Variants in CPN1 observed in about 807,000 individuals in gnomAD.
CPN1 encodes the protein carboxypeptidase N subunit 1.
CPN1 carries 37 observed loss-of-function variants against 46.4 expected under a neutral mutation model. That is an observed-to-expected ratio of 0.80 (90% CI 0.61 to 1.05). CPN1 has a LOEUF of 1.05. Ranked by LOEUF, CPN1 falls within the 50% of genes least tolerant of loss-of-function variation. CPN1 has a pLI of 0.00. For synonymous variants in CPN1, 224 were observed against 235.4 expected, an observed-to-expected ratio of 0.95 and a Z score of 0.44; for missense variants, 563 against 602.6, an observed-to-expected ratio of 0.93 and a Z score of 0.69.
intron 5 of CPN1, among the ~76,000 whole-genome samples, chr10:100,059,592 CAAA>C (rs71013408): frequency 2.6e-5 from 3 of 115,090 alleles, no homozygotes. Flanking sequence ...TGGCTACTAT[CAAA>C]AAAAAAAAAA....
intron 7 of CPN1, among the ~76,000 whole-genome samples, chr10:100,049,595 C>T (rs1040457270): frequency 6.6e-6 from 1 of 151,834 alleles, no homozygotes; most frequent in Non-Finnish European, 1.5e-5. Context: ...TAAACAGAGT[C>T]CGGTTCTCAC....
chr10:100,057,355 T>C (rs1012093503), intron 5 of CPN1, among the ~76,000 whole-genome samples: 6 of 152,198 alleles, frequency 3.9e-5, no homozygotes, highest in Non-Finnish European at 8.8e-5. Context: ...GGGGCACACA[T>C]AGTGACGTTT....
chr10:100,065,879 A>G (rs1017846277), intron 3 of CPN1, among the ~76,000 whole-genome samples: 1 of 151,866 alleles, frequency 6.6e-6, no homozygotes, highest in Admixed American at 6.6e-5. Context: ...TTTTTGCTCA[A>G]TTTTGCTGTG....
intron 1 of CPN1, among the ~76,000 whole-genome samples, chr10:100,077,758 T>G (rs2041523628): frequency 1.3e-5 from 2 of 152,226 alleles, no homozygotes; most frequent in Non-Finnish European, 2.9e-5. Context: ...TATGTCTTTC[T>G]TACTTTTCTT....
intron 8 of CPN1, among the ~76,000 whole-genome samples, chr10:100,044,359 C>T (rs886483580): frequency 3.3e-5 from 5 of 151,884 alleles, no homozygotes; most frequent in Non-Finnish European, 5.9e-5. Context: ...CACTGGGCCC[C>T]GGAAGATATT....
chr10:100,047,692 A>G (rs2041323269), intron 8 of CPN1, among the ~76,000 whole-genome samples: 1 of 152,194 alleles, frequency 6.6e-6, no homozygotes. Context: ...CAAAACAAAA[A>G]AAGAAAAAAC....
intron 1 of CPN1, 110 bp downstream of exon 1, chr10:100,081,293 T>C: frequency 1.1e-6 from 1 of 903,478 alleles, no homozygotes. Flanking sequence ...AAAGAGATAA[T>C]ACCTTGTAGG....
intron 1 of CPN1, among the ~76,000 whole-genome samples, chr10:100,080,018 G>A (rs2041535347): frequency 6.6e-6 from 1 of 151,940 alleles, no homozygotes; most frequent in African/African-American, 2.4e-5. Context: ...CCCGGGAGGT[G>A]GAGGTTTCAG....
At chr10:100,045,572 G>A (rs2041303085) in intron 8 of CPN1, among the ~76,000 whole-genome samples, 1 of 152,210 alleles carries the variant, frequency 6.6e-6, no homozygotes, top group Non-Finnish European at 1.5e-5. Flanking sequence ...ACAAACACAG[G>A]TTGTACACTT....
intron 1 of CPN1, among the ~76,000 whole-genome samples, chr10:100,077,227 CTTT>C (rs57632037): frequency 2.6e-5 from 3 of 113,736 alleles, no homozygotes; most frequent in Non-Finnish European, 1.7e-5. Context: ...CCGGTTTTAC[CTTT>C]TTTTTTTTTT....
At chr10:100,067,516 GA>G in intron 3 of CPN1, among the ~76,000 whole-genome samples, 1 of 152,128 alleles carries the variant, frequency 6.6e-6, no homozygotes, top group East Asian at 1.9e-4. Context: ...TTTCAAGGGA[GA>G]AAAAAACCCC....
At chr10:100,043,122 G>A (rs2041288175) in intron 8 of CPN1, among the ~76,000 whole-genome samples, 1 of 145,436 alleles carries the variant, frequency 6.9e-6, no homozygotes, top group Non-Finnish European at 1.5e-5. Context: ...AAAAAATTAG[G>A]TTGGGCATGG....
chr10:100,075,993 C>A lies in CPN1; in HGVS notation c.338G>T (p.Arg113Leu). ...CGTGTCCTGGATGAGCTGGACGATG[C>A]GCTGGTTCCTGTTCCGGAACTCCTC... ...LCEEFRNRNQRIVQLIQDTRI... is the reference protein window; with the variant it reads ...LCEEFRNRNQLIVQLIQDTRI... The change falls in exon 2 of 9, where the codon CGC becomes CTC. Residue 113 changes from arginine to leucine, a missense_variant. Arg to Leu is a moderately radical substitution (Grantham distance 102, BLOSUM62 -2). Transcript: ENST00000370418. The A allele has an allele frequency of 6.2e-7, 1 of 1,614,136 alleles. No homozygotes were observed. Among genetic ancestry groups the A allele is most frequent in the Non-Finnish European group, 8.5e-7 (1 of 1,180,022 alleles).
intron 7 of CPN1, among the ~76,000 whole-genome samples, chr10:100,054,010 T>A (rs1437722932): frequency 1.3e-5 from 2 of 152,222 alleles, no homozygotes; most frequent in Non-Finnish European, 2.9e-5. Context: ...ATTAACAGGC[T>A]TAAGCCCAGA....
rs2041332659 is a variant in CPN1 at position 100,048,857 on chromosome 10, G to A, written c.1131C>T (p.Phe377=). The change falls in exon 8 of 9, where the codon TTC becomes TTT. Residue 377 remains phenylalanine, a synonymous_variant. Transcript: ENST00000370418. ...TGTAGATACCTGGAAGCAGCAGCCG[G>A]AAGTAATCACCATGGTCACCTGAAA... is the stretch of plus-strand genomic sequence containing the variant. ...DVTSGDHGDY[F]RLLLPGIYTV... is the part of the protein sequence containing the mutation. The A allele has an allele frequency of 6.2e-7, 1 of 1,613,190 alleles. No individual in the cohort carries two copies. The highest frequency in any genetic ancestry group is 8.5e-7 in the Non-Finnish European group (1 of 1,179,436).
At position 100,057,118 on chromosome 10, in the gene CPN1, G is replaced by A. The variant is rs767812853; in HGVS notation, c.906C>T (p.Cys302=). The A allele has an allele frequency of 6.2e-7, 1 of 1,614,190 alleles. No individual in the cohort carries two copies. The highest frequency in any genetic ancestry group is 8.5e-7 in the Non-Finnish European group (1 of 1,180,038). The part of the protein sequence containing the change: ...MQDFNYLHTN[C]FEITLELSCD... Reference sequence around the variant, plus strand: ...AACTCAGTTCCAGCGTGATCTCAAAGCAGTTGGTATGGAGATAATTAAAGT... The same window carrying A: ...AACTCAGTTCCAGCGTGATCTCAAAACAGTTGGTATGGAGATAATTAAAGT... Residue 302 remains cysteine, a synonymous_variant, in exon 6 of 9, where the codon TGC becomes TGT. Transcript: ENST00000370418.
In CPN1 at chr10:100,055,048, G is replaced by A. The variant is rs1247500220; in HGVS notation, c.1012-602C>T. On this transcript the variant is annotated intron_variant, in intron 6 of 8. Coordinates refer to ENST00000370418, the MANE Select transcript of CPN1 (RefSeq NM_001308.3). ...AGGTCAGGAGTTTGAGACCAGCCTGGCCAACATGGTGAAACCCCGTCTCTA... is the reference window on the plus strand; with the variant it reads ...AGGTCAGGAGTTTGAGACCAGCCTGACCAACATGGTGAAACCCCGTCTCTA... Among the ~76,000 whole-genome samples, 4 of 151,822 alleles carry A rather than the reference G, an allele frequency of 2.6e-5. No individual in the cohort carries two copies. The East Asian group carries it at 7.8e-4, about 29-fold the overall frequency.
chr10:100,072,078 T>G (rs2041489079), intron 2 of CPN1, among the ~76,000 whole-genome samples: 1 of 152,220 alleles, frequency 6.6e-6, no homozygotes, highest in African/African-American at 2.4e-5. Flanking sequence ...CGTACAAGTC[T>G]TTGTGTGGAT....
At chr10:100,065,722 G>A (rs895783879) in intron 3 of CPN1, among the ~76,000 whole-genome samples, 1 of 151,926 alleles carries the variant, frequency 6.6e-6, no homozygotes, top group Non-Finnish European at 1.5e-5. Flanking sequence ...ACAATACCAA[G>A]AGAGCAGTAA....
Sources: allele counts gnomAD v4.1 joint callset (sites outside exome capture counted in the v4.1 genomes callset), GRCh38; gene constraint gnomAD v4.1.1; transcripts MANE v1.5; gene names NCBI Gene and HGNC (gene_info 2026-07-23, HGNC 2026-07-21).